Variants in SUMF1 observed in about 807,000 individuals in gnomAD.
The protein encoded by SUMF1 is formylglycine-generating enzyme.
In SUMF1, 48 loss-of-function variants were observed where a neutral mutation model predicts 47.6. That is an observed-to-expected ratio of 1.01 (90% CI 0.80 to 1.28). The LOEUF (loss-of-function observed/expected upper bound fraction) is 1.28, where lower values mean the gene tolerates loss of function less well. SUMF1 is among the 50% of genes most tolerant of loss of function. The probability of loss-of-function intolerance (pLI) is 0.00; values close to 1 mark genes in which losing one functional copy is unlikely to be tolerated. For synonymous variants in SUMF1, 230 were observed against 192.1 expected (o/e 1.20, Z -1.63); for missense variants, 571 against 485.4 (o/e 1.18, Z -1.66).
chr3:4,287,356 T>C (rs1039438585), intron 8 of SUMF1, among the ~76,000 whole-genome samples: 1 of 151,740 alleles, frequency 6.6e-6, no homozygotes, highest in Non-Finnish European at 1.5e-5. Flanking sequence ...AAAAACTTAA[T>C]AAACATTTAT....
intron 8 of SUMF1, among the ~76,000 whole-genome samples, chr3:4,322,288 CATAAT>C (rs1340163085): frequency 1.3e-5 from 2 of 151,778 alleles, no homozygotes; most frequent in Admixed American, 6.6e-5. Context: ...ACAAATGTAT[CATAAT>C]GTAATGATAT....
At chr3:4,440,785 T>TA (rs1315495670) in intron 3 of SUMF1, among the ~76,000 whole-genome samples, 1 of 152,212 alleles carries the variant, frequency 6.6e-6, no homozygotes, top group African/African-American at 2.4e-5. Context: ...TTTGTTTCCT[T>TA]AAACTGTTGA....
intron 8 of SUMF1, among the ~76,000 whole-genome samples, chr3:4,161,549 G>A (rs745466735): frequency 3.3e-5 from 5 of 151,984 alleles, no homozygotes; most frequent in Non-Finnish European, 7.4e-5. Flanking sequence ...CCCTTTCCAT[G>A]GGGAGTGGAG....
intron 8 of SUMF1, among the ~76,000 whole-genome samples, chr3:4,259,515 G>A (rs185677064): frequency 1.6e-4 from 24 of 152,202 alleles, no homozygotes; most frequent in Admixed American, 5.9e-4. Context: ...ATTTGGATTC[G>A]ATGTGGGATA....
intron 8 of SUMF1, among the ~76,000 whole-genome samples, chr3:4,191,076 G>A (rs1268201578): frequency 6.6e-6 from 1 of 152,166 alleles, no homozygotes; most frequent in African/African-American, 2.4e-5. Context: ...AAGCCCCTCT[G>A]AGGAGATGAC....
At chr3:4,178,292 A>G (rs149707769) in intron 8 of SUMF1, among the ~76,000 whole-genome samples, 4,776 of 152,310 alleles carry the variant, frequency 0.031, 270 homozygotes, top group African/African-American at 0.11. Flanking sequence ...AAAATCCTCA[A>G]TAAAATACTG....
intron 8 of SUMF1, among the ~76,000 whole-genome samples, chr3:4,104,068 TTC>T (rs1693100208): frequency 6.6e-6 from 1 of 152,162 alleles, no homozygotes; most frequent in Non-Finnish European, 1.5e-5. Context: ...GATATGGTTT[TTC>T]TGTGTCCCCA....
chr3:4,289,670 C>G lies in SUMF1; in HGVS notation c.1014+86660G>C, dbSNP rs143627126. ...CTTTTCCTTTTGTCAACTGGATCTA[C>G]CTTCTCTTAATTTAAACCCATTTTC... On this transcript the variant is annotated intron_variant and NMD_transcript_variant, in intron 8 of 12. Coordinates refer to the SUMF1 transcript ENST00000448413. 5.3e-5 allele frequency among the ~76,000 whole-genome samples: 8 copies of G among 152,244 alleles called. No individual in the cohort carries two copies. In the East Asian group the frequency reaches 1.5e-3, roughly 29 times the overall value.
At chr3:4,222,600 G>A (rs575784135) in intron 8 of SUMF1, among the ~76,000 whole-genome samples, 1 of 152,066 alleles carries the variant, frequency 6.6e-6, no homozygotes, top group Admixed American at 6.6e-5. Context: ...CTACCCGGAG[G>A]GCCTGTCATC....
At chr3:4,373,421 T>C (rs1470464247) in intron 8 of SUMF1, among the ~76,000 whole-genome samples, 3 of 151,660 alleles carry the variant, frequency 2.0e-5, no homozygotes, top group Non-Finnish European at 1.5e-5. Flanking sequence ...AGATAAGCTG[T>C]ATAGTCCTAC....
At chr3:4,414,017 C>T (rs1315558980) in intron 6 of SUMF1, among the ~76,000 whole-genome samples, 1 of 152,092 alleles carries the variant, frequency 6.6e-6, no homozygotes, top group Non-Finnish European at 1.5e-5. Context: ...GTGCATGCTG[C>T]CACGCCCGGC....
At chr3:4,380,504 T>C (rs1700469820) in intron 7 of SUMF1, among the ~76,000 whole-genome samples, 2 of 152,154 alleles carry the variant, frequency 1.3e-5, no homozygotes, top group African/African-American at 4.8e-5. Flanking sequence ...GACAAAATTA[T>C]CTACACCAAA....
chr3:4,306,321 A>G (rs191059778), intron 8 of SUMF1, among the ~76,000 whole-genome samples: 1 of 152,314 alleles, frequency 6.6e-6, no homozygotes, highest in African/African-American at 2.4e-5. Context: ...CCTTAGAATC[A>G]TTGTAATCAT....
intron 8 of SUMF1, among the ~76,000 whole-genome samples, chr3:4,328,052 C>CAA (rs149201513): frequency 6.6e-6 from 1 of 150,722 alleles, no homozygotes; most frequent in Non-Finnish European, 1.5e-5. Flanking sequence ...CCTCCCTGTA[C>CAA]AAAAAAAAAT....
Position 4,344,492 on chromosome 3 carries a change from TCAA to T in SUMF1, c.1014+31835_1014+31837del, listed in dbSNP as rs367745917. Among the ~76,000 whole-genome samples, 160 of 152,088 alleles carry T rather than the reference TCAA, an allele frequency of 1.1e-3. 1 individual carries two copies. Among genetic ancestry groups the T allele is most frequent in the Non-Finnish European group, 5.6e-4 (38 of 68,010 alleles). On this transcript the variant is annotated intron_variant and NMD_transcript_variant, in intron 8 of 12. Transcript: ENST00000448413. ...CAAGCAGAAAGTGACAACAACAGCATCAACAACAACAAGGCCCCCACAAAAGCC... is the reference window on the plus strand; with the variant it reads ...CAAGCAGAAAGTGACAACAACAGCATCAACAACAAGGCCCCCACAAAAGCC...
chr3:4,254,301 G>A (rs1209152249), intron 8 of SUMF1, among the ~76,000 whole-genome samples: 1 of 150,642 alleles, frequency 6.6e-6, no homozygotes, highest in Non-Finnish European at 1.5e-5. Context: ...GGCTTCAGAC[G>A]ATCAAATTAC....
intron 6 of SUMF1, among the ~76,000 whole-genome samples, chr3:4,411,400 T>C (rs1701537412): frequency 6.6e-6 from 1 of 152,152 alleles, no homozygotes; most frequent in African/African-American, 2.4e-5. Context: ...ACAATGTCTT[T>C]CAGCACTGAG....
chr3:4,199,645 T>C (rs1320285220), intron 8 of SUMF1, among the ~76,000 whole-genome samples: 3 of 152,166 alleles, frequency 2.0e-5, no homozygotes, highest in Admixed American at 1.3e-4. Flanking sequence ...TAGCATTCTG[T>C]CTTTCTTATT....
intron 8 of SUMF1, among the ~76,000 whole-genome samples, chr3:4,188,217 G>A (rs761992287): frequency 1.3e-5 from 2 of 149,500 alleles, no homozygotes; most frequent in Non-Finnish European, 3.0e-5. Flanking sequence ...ACTCTGTTAC[G>A]CAGGCTGGAG....
Sources: gnomAD v4.1 joint callset for allele counts (sites outside exome capture counted in the v4.1 genomes callset) on GRCh38, gnomAD v4.1.1 for gene constraint, MANE v1.5 for transcripts, NCBI Gene and HGNC (gene_info 2026-07-23, HGNC 2026-07-21) for gene names.